Variants in CSMD3 observed in about 807,000 individuals in gnomAD.
The protein encoded by CSMD3 is CUB and sushi domain-containing protein 3.
Under a neutral mutation model 435.2 loss-of-function variants are expected in CSMD3, and 177 were observed. The ratio of observed to expected loss-of-function variants is 0.41; its 90% CI spans 0.36 to 0.46. The LOEUF (loss-of-function observed/expected upper bound fraction) is 0.46. Among genes scored for constraint, CSMD3 ranks in the 20% least tolerant of loss-of-function variants. The pLI, the probability that CSMD3 is intolerant of heterozygous loss-of-function variation, is 0.34. For missense variants in CSMD3, 4,265 were observed against 4,504.6 expected (o/e 0.95, Z 1.52); for synonymous variants, 1,656 against 1,520.5 (o/e 1.09, Z -2.07).
chr8:112,902,941 T>C (rs550906432), intron 10 of CSMD3, among the ~76,000 whole-genome samples: 68 of 151,320 alleles, frequency 4.5e-4, no homozygotes, highest in African/African-American at 1.5e-3. Context: ...CAAAGCTTTG[T>C]AAGGTAGTTT....
intron 3 of CSMD3, among the ~76,000 whole-genome samples, chr8:113,265,808 T>C (rs2132384201): frequency 6.6e-6 from 1 of 151,234 alleles, no homozygotes; most frequent in Middle Eastern, 3.4e-3. Context: ...TTAGGGTGTT[T>C]CCATGACTAA....
intron 3 of CSMD3, among the ~76,000 whole-genome samples, chr8:113,272,595 T>A (rs530397650): frequency 1.3e-5 from 2 of 151,954 alleles, no homozygotes; most frequent in African/African-American, 4.8e-5. Flanking sequence ...TCTGCCATGA[T>A]TCTGAGGCCT....
intron 3 of CSMD3, among the ~76,000 whole-genome samples, chr8:113,265,210 T>A (rs780057717): frequency 6.6e-6 from 1 of 151,534 alleles, no homozygotes; most frequent in Admixed American, 6.6e-5. Flanking sequence ...ATCTATGATT[T>A]TTTGAAGGTA....
At chr8:112,911,214 C>A (rs969855954) in intron 10 of CSMD3, among the ~76,000 whole-genome samples, 1 of 151,846 alleles carries the variant, frequency 6.6e-6, no homozygotes, top group African/African-American at 2.4e-5. Flanking sequence ...TCTCTCAAAC[C>A]ATATGACATC....
chr8:112,718,495 C>T (rs2076783325), intron 13 of CSMD3, among the ~76,000 whole-genome samples: 1 of 147,694 alleles, frequency 6.8e-6, no homozygotes, highest in Non-Finnish European at 1.5e-5. Flanking sequence ...GTTCTAATGC[C>T]TATGTGTGTG....
At chr8:113,436,537 G>A in intron 1 of CSMD3, 140 bp downstream of exon 1, 2 of 848,552 alleles carry the variant, frequency 2.4e-6, no homozygotes, top group Non-Finnish European at 4.0e-6. Context: ...GAGGGGGGGA[G>A]AACGAGCTGT....
chr8:112,587,935 C>G (rs1305700786), intron 22 of CSMD3, among the ~76,000 whole-genome samples: 1 of 151,758 alleles, frequency 6.6e-6, no homozygotes, highest in Non-Finnish European at 1.5e-5. Flanking sequence ...ATTTGAGGAA[C>G]TGTCTAAACA....
intron 14 of CSMD3, among the ~76,000 whole-genome samples, chr8:112,686,232 A>G (rs1370643893): frequency 1.3e-5 from 2 of 152,298 alleles, no homozygotes; most frequent in Non-Finnish European, 2.9e-5. Flanking sequence ...ACAAATAAGG[A>G]GATAAACTAA....
chr8:112,860,927 T>C (rs1306179436), intron 10 of CSMD3, among the ~76,000 whole-genome samples: 2 of 151,900 alleles, frequency 1.3e-5, no homozygotes, highest in Non-Finnish European at 2.9e-5. Flanking sequence ...GACATTTCTG[T>C]GTTGATAGCT....
At chr8:112,979,825 A>G (rs999435280) in intron 6 of CSMD3, among the ~76,000 whole-genome samples, 6 of 151,136 alleles carry the variant, frequency 4.0e-5, no homozygotes, top group Non-Finnish European at 7.4e-5. Context: ...GTTACTTGAG[A>G]AAAATCTAAA....
At chr8:112,326,189 T>A (rs183090377) in intron 45 of CSMD3, among the ~76,000 whole-genome samples, 3 of 152,134 alleles carry the variant, frequency 2.0e-5, no homozygotes, top group African/African-American at 7.2e-5. Flanking sequence ...GATTGTGAGG[T>A]GTGATGCAGC....
chr8:112,493,089 A>C (rs991706292), intron 30 of CSMD3, among the ~76,000 whole-genome samples: 1 of 152,170 alleles, frequency 6.6e-6, no homozygotes, highest in Non-Finnish European at 1.5e-5. Context: ...AAGCAGCAGC[A>C]TCATTTCTGT....
At chr8:112,925,424 G>T (rs911234071) in intron 9 of CSMD3, among the ~76,000 whole-genome samples, 2 of 151,900 alleles carry the variant, frequency 1.3e-5, no homozygotes, top group Non-Finnish European at 2.9e-5. Flanking sequence ...TTAACCCAGC[G>T]TGTTGGCGGG....
At chr8:113,385,368 C>T (rs910429567) in intron 1 of CSMD3, among the ~76,000 whole-genome samples, 3 of 152,020 alleles carry the variant, frequency 2.0e-5, no homozygotes, top group Admixed American at 6.6e-5. Flanking sequence ...AAAAATGAAA[C>T]GATTTACCAA....
At chr8:113,401,777 T>C (rs1201904893) in intron 1 of CSMD3, among the ~76,000 whole-genome samples, 1 of 151,630 alleles carries the variant, frequency 6.6e-6, no homozygotes, top group Non-Finnish European at 1.5e-5. Flanking sequence ...GTTATTATAA[T>C]GTCATATTTT....
At chr8:112,410,515 T>TATATATATAC (rs1471289818) in intron 32 of CSMD3, among the ~76,000 whole-genome samples, 1 of 141,998 alleles carries the variant, frequency 7.0e-6, no homozygotes, top group Non-Finnish European at 1.5e-5. Context: ...TATATATATA[T>TATATATATAC]ATATGTATAT....
intron 5 of CSMD3, among the ~76,000 whole-genome samples, chr8:113,053,340 T>C (rs1275706062): frequency 1.3e-5 from 2 of 152,168 alleles, no homozygotes; most frequent in Non-Finnish European, 2.9e-5. Flanking sequence ...AATTATATAA[T>C]TTAAGTAGGA....
chr8:112,991,914 A>G (rs570845585), intron 6 of CSMD3, among the ~76,000 whole-genome samples: 10 of 151,994 alleles, frequency 6.6e-5, no homozygotes, highest in African/African-American at 2.4e-4. Context: ...GCTGTATATC[A>G]CATGAGAAAG....
intron 45 of CSMD3, among the ~76,000 whole-genome samples, chr8:112,334,156 C>T (rs1332607433): frequency 6.6e-6 from 1 of 152,002 alleles, no homozygotes; most frequent in Admixed American, 6.6e-5. Context: ...TAGACTGAAC[C>T]CCTGACTTTT....
Sources: allele counts gnomAD v4.1 joint callset (sites outside exome capture counted in the v4.1 genomes callset), GRCh38; gene constraint gnomAD v4.1.1; transcripts MANE v1.5; gene names NCBI Gene and HGNC (gene_info 2026-07-23, HGNC 2026-07-21).